The following ASPRV1 variants were observed in gnomAD, a reference collection of about 807,000 sequenced individuals.
ASPRV1 encodes the protein aspartic peptidase retroviral like 1, also known as retroviral-like aspartic protease 1.
A neutral mutation model predicts 11.0 loss-of-function variants in ASPRV1; 7 were observed. The observed-to-expected ratio is 0.64, with a 90% CI of 0.36 to 1.20. The LOEUF (loss-of-function observed/expected upper bound fraction) is 1.20. Ranked by LOEUF, ASPRV1 falls within the 50% of genes most tolerant of loss-of-function variation. ASPRV1 has a pLI of 0.02. For synonymous variants in ASPRV1, 136 were observed against 138.4 expected, an observed-to-expected ratio of 0.98 and a Z score of 0.12; for missense variants, 299 against 320.0, an observed-to-expected ratio of 0.93 and a Z score of 0.50.
At chr2:69,959,524 C>T (rs1314997037), downstream of ASPRV1, among the ~76,000 whole-genome samples, 2 of 152,068 alleles carry the variant, frequency 1.3e-5, no homozygotes, top group African/African-American at 2.4e-5. Context: ...TGGGAATGTC[C>T]TCCCCTCCAT....
At chr2:69,953,314 G>GTGT in the ASPRV1 span, among the ~76,000 whole-genome samples, 2 of 152,332 alleles carry the variant, frequency 1.3e-5, no homozygotes, top group Non-Finnish European at 2.9e-5. Flanking sequence ...GGTCAGTCCT[G>GTGT]GGGATAACTG....
the ASPRV1 span, chr2:70,056,161 T>C: frequency 2.6e-5 from 4 of 152,030 alleles, no homozygotes; most frequent in African/African-American, 4.8e-5. Context: ...AAACAGAAAG[T>C]AGAATGGTGG....
the ASPRV1 span, among the ~76,000 whole-genome samples, chr2:69,974,587 T>A: frequency 6.6e-6 from 1 of 152,144 alleles, no homozygotes; most frequent in African/African-American, 2.4e-5. Context: ...CTCAAAAGGC[T>A]CTCCAAAACC....
chr2:69,961,991 C>A (rs1170439617), upstream of ASPRV1: 4 of 335,902 alleles, frequency 1.2e-5, no homozygotes, highest in African/African-American at 4.2e-5. Context: ...GGGAAGCCGC[C>A]ATTGGCCTCC....
the ASPRV1 span, among the ~76,000 whole-genome samples, chr2:70,017,183 G>A: frequency 6.6e-6 from 1 of 152,130 alleles, no homozygotes; most frequent in Non-Finnish European, 1.5e-5. Context: ...AGTAGAGACA[G>A]GGTTTCACCA....
chr2:69,985,131 C>T, the ASPRV1 span, among the ~76,000 whole-genome samples: 4 of 152,220 alleles, frequency 2.6e-5, no homozygotes, highest in African/African-American at 4.8e-5. Flanking sequence ...GCTGGGATTA[C>T]GGGCGTGAGC....
the ASPRV1 span, among the ~76,000 whole-genome samples, chr2:69,946,816 G>A: frequency 6.6e-6 from 1 of 152,160 alleles, no homozygotes; most frequent in Non-Finnish European, 1.5e-5. Flanking sequence ...TGGAGGGGTG[G>A]CTATTTTCCA....
the ASPRV1 span, among the ~76,000 whole-genome samples, chr2:70,070,975 C>A: frequency 6.6e-6 from 1 of 152,110 alleles, no homozygotes; most frequent in Non-Finnish European, 1.5e-5. Context: ...ACACCACAGT[C>A]CCTGGCAGTC....
chr2:69,954,321 G>A, the ASPRV1 span, among the ~76,000 whole-genome samples: 1 of 152,174 alleles, frequency 6.6e-6, no homozygotes, highest in Non-Finnish European at 1.5e-5. Context: ...CCACTAGGCA[G>A]CCACATGGGT....
the ASPRV1 span, among the ~76,000 whole-genome samples, chr2:70,079,117 G>C: frequency 1.3e-5 from 2 of 152,172 alleles, no homozygotes; most frequent in African/African-American, 4.8e-5. Context: ...GAGATGTTCT[G>C]AAGTTTTTTA....
chr2:69,989,302 T>G, the ASPRV1 span, among the ~76,000 whole-genome samples: 2 of 152,250 alleles, frequency 1.3e-5, no homozygotes, highest in Non-Finnish European at 2.9e-5. Flanking sequence ...TGGCTGGGCC[T>G]TTTATAAGAC....
upstream of ASPRV1, chr2:69,963,250 G>A: frequency 2.2e-6 from 1 of 456,042 alleles, no homozygotes; most frequent in Non-Finnish European, 4.4e-6. Context: ...CATTCCAGGA[G>A]CCCAGAGGAG....
the ASPRV1 span, among the ~76,000 whole-genome samples, chr2:69,999,394 C>CTA: frequency 6.6e-6 from 1 of 152,032 alleles, no homozygotes; most frequent in African/African-American, 2.4e-5. Flanking sequence ...GAAACAATGC[C>CTA]TATAATCCCA....
At chr2:70,004,112 C>T in the ASPRV1 span, among the ~76,000 whole-genome samples, 1 of 152,140 alleles carries the variant, frequency 6.6e-6, no homozygotes, top group East Asian at 1.9e-4. Context: ...ACGGAGTCTT[C>T]TAAGGGTGAG....
chr2:69,939,050 T>G, the ASPRV1 span: 3 of 152,736 alleles, frequency 2.0e-5, no homozygotes, highest in Admixed American at 6.5e-5. Flanking sequence ...CCTCCAACTT[T>G]GTTAATGCTA....
At chr2:70,061,746 C>T in the ASPRV1 span, among the ~76,000 whole-genome samples, 2 of 151,682 alleles carry the variant, frequency 1.3e-5, no homozygotes. Flanking sequence ...GTCAAGAGTT[C>T]AAGACTAGCC....
the ASPRV1 span, among the ~76,000 whole-genome samples, chr2:70,029,458 G>T: frequency 6.6e-6 from 1 of 152,046 alleles, no homozygotes; most frequent in African/African-American, 2.4e-5. Context: ...GGCCAACATG[G>T]TGAAACCCCA....
chr2:69,965,187 A>G (rs1237519487), upstream of ASPRV1, among the ~76,000 whole-genome samples: 3 of 152,180 alleles, frequency 2.0e-5, no homozygotes, highest in Admixed American at 2.0e-4. Flanking sequence ...AGCTGGGATT[A>G]CACCACCACA....
the ASPRV1 span, chr2:70,064,024 T>A: frequency 6.6e-6 from 1 of 152,224 alleles, no homozygotes; most frequent in African/African-American, 2.4e-5. Context: ...TATTCTGCCC[T>A]CAGCTACCTG....
Sources: allele counts gnomAD v4.1 joint callset (sites outside exome capture counted in the v4.1 genomes callset), GRCh38; gene constraint gnomAD v4.1.1; transcripts MANE v1.5; gene names NCBI Gene and HGNC (gene_info 2026-07-23, HGNC 2026-07-21).